The following MAPKAP1 variants were observed in gnomAD, a reference collection of about 807,000 sequenced individuals.
MAPKAP1 encodes the protein MAPK associated protein 1, also known as target of rapamycin complex 2 subunit MAPKAP1.
A neutral mutation model predicts 65.7 loss-of-function variants in MAPKAP1; 20 were observed. The observed-to-expected ratio is 0.30, with a 90% CI of 0.21 to 0.44. The LOEUF (loss-of-function observed/expected upper bound fraction) is 0.44, where lower values mean the gene tolerates loss of function less well. Ranked by LOEUF, MAPKAP1 falls within the 20% of genes least tolerant of loss-of-function variation. The pLI is 1.00. For missense variants in MAPKAP1, 423 were observed against 648.0 expected, an observed-to-expected ratio of 0.65 and a Z score of 3.77; for synonymous variants, 222 against 244.3, an observed-to-expected ratio of 0.91 and a Z score of 0.85.
At chr9:125,612,023 G>C (rs1399529623) in intron 4 of MAPKAP1, among the ~76,000 whole-genome samples, 1 of 152,152 alleles carries the variant, frequency 6.6e-6, no homozygotes, top group Non-Finnish European at 1.5e-5. Context: ...CTTATTGGTT[G>C]AGTAACCCTA....
At chr9:125,687,072 C>G (rs1835004191) in intron 1 of MAPKAP1, among the ~76,000 whole-genome samples, 1 of 151,772 alleles carries the variant, frequency 6.6e-6, no homozygotes, top group Admixed American at 6.6e-5. Context: ...GTGATCTGCC[C>G]GCCTCGGCCT....
chr9:125,489,092 A>G (rs1161487042), intron 8 of MAPKAP1, among the ~76,000 whole-genome samples: 1 of 152,204 alleles, frequency 6.6e-6, no homozygotes, highest in East Asian at 1.9e-4. Flanking sequence ...TTCACATTAA[A>G]AAGTCCACTT....
intron 4 of MAPKAP1, among the ~76,000 whole-genome samples, chr9:125,587,061 A>G (rs1467724919): frequency 6.6e-6 from 1 of 152,236 alleles, no homozygotes; most frequent in Non-Finnish European, 1.5e-5. Context: ...GCCACATGCA[A>G]AAGAATGAAT....
At chr9:125,623,252 C>T (rs1464469441) in intron 4 of MAPKAP1, among the ~76,000 whole-genome samples, 4 of 118,630 alleles carry the variant, frequency 3.4e-5, no homozygotes, top group African/African-American at 6.2e-5. Context: ...TCTGCCTGGC[C>T]GCCCATCGTC....
At chr9:125,612,365 A>C (rs1832625597) in intron 4 of MAPKAP1, among the ~76,000 whole-genome samples, 1 of 152,208 alleles carries the variant, frequency 6.6e-6, no homozygotes, top group Admixed American at 6.5e-5. Context: ...ACGAATTTCA[A>C]ATAACTGGTA....
intron 7 of MAPKAP1, among the ~76,000 whole-genome samples, chr9:125,530,861 A>C (rs1384562437): frequency 1.3e-5 from 2 of 152,272 alleles, no homozygotes; most frequent in Non-Finnish European, 2.9e-5. Context: ...GCCAGGTTTT[A>C]TGGCGTGCCT....
chr9:125,672,102 T>G (rs1469115213), intron 2 of MAPKAP1, among the ~76,000 whole-genome samples: 2 of 152,176 alleles, frequency 1.3e-5, no homozygotes, highest in Non-Finnish European at 2.9e-5. Context: ...ACTATCCCCC[T>G]TCTGTCTACT....
At chr9:125,462,123 C>G (rs972647205) in intron 10 of MAPKAP1, among the ~76,000 whole-genome samples, 1 of 152,222 alleles carries the variant, frequency 6.6e-6, no homozygotes, top group Non-Finnish European at 1.5e-5. Context: ...CAAGCAAGAG[C>G]GCACATGCGT....
chr9:125,463,124 C>T (rs1391355228), intron 10 of MAPKAP1, among the ~76,000 whole-genome samples: 19 of 152,180 alleles, frequency 1.2e-4, no homozygotes, highest in Admixed American at 2.6e-4. Context: ...CATGCAGAAC[C>T]GCTCGATAGC....
intron 9 of MAPKAP1, among the ~76,000 whole-genome samples, chr9:125,479,597 G>A (rs572031629): frequency 6.7e-6 from 1 of 148,504 alleles, no homozygotes; most frequent in African/African-American, 2.5e-5. Flanking sequence ...AAAAAAAAAA[G>A]TCTGGTGGAA....
At chr9:125,657,618 T>G (rs1204233737) in intron 4 of MAPKAP1, 33 bp downstream of exon 4, 10 of 1,565,606 alleles carry the variant, frequency 6.4e-6, no homozygotes, top group Admixed American at 1.9e-5. Context: ...ATTACAGTTT[T>G]ACTTAAAGGG....
chr9:125,667,964 C>T (rs559683553), intron 3 of MAPKAP1, among the ~76,000 whole-genome samples: 9 of 152,208 alleles, frequency 5.9e-5, no homozygotes, highest in South Asian at 2.1e-4. Flanking sequence ...GGGCTAGCCT[C>T]GTGAGATTTT....
At chr9:125,551,575 A>G (rs1830585405) in intron 6 of MAPKAP1, among the ~76,000 whole-genome samples, 1 of 151,562 alleles carries the variant, frequency 6.6e-6, no homozygotes, top group Non-Finnish European at 1.5e-5. Flanking sequence ...AGGAAAATAC[A>G]TATATATATA....
At chr9:125,642,253 C>G (rs1284681038) in intron 4 of MAPKAP1, among the ~76,000 whole-genome samples, 2 of 151,722 alleles carry the variant, frequency 1.3e-5, no homozygotes, top group Non-Finnish European at 2.9e-5. Context: ...AATTAAATTG[C>G]TAACTAAAGT....
chr9:125,647,906 A>C (rs909625259), intron 4 of MAPKAP1, among the ~76,000 whole-genome samples: 10 of 151,574 alleles, frequency 6.6e-5, no homozygotes, highest in South Asian at 6.3e-4. Flanking sequence ...CTACGTGTGA[A>C]AGCATTCCCC....
intron 1 of MAPKAP1, among the ~76,000 whole-genome samples, chr9:125,691,725 T>C (rs1835176802): frequency 6.6e-6 from 1 of 152,214 alleles, no homozygotes; most frequent in Non-Finnish European, 1.5e-5. Context: ...TGAAGTTAGC[T>C]ATCCATGCTG....
At chr9:125,555,904 A>G (rs1216232238) in intron 6 of MAPKAP1, among the ~76,000 whole-genome samples, 2 of 152,220 alleles carry the variant, frequency 1.3e-5, no homozygotes, top group Non-Finnish European at 2.9e-5. Context: ...CTCCTCTGCT[A>G]TAAAACAAAG....
At chr9:125,498,119 C>T (rs543743023) in intron 8 of MAPKAP1, among the ~76,000 whole-genome samples, 7 of 152,286 alleles carry the variant, frequency 4.6e-5, no homozygotes, top group Admixed American at 2.6e-4. Flanking sequence ...GTAGATTATC[C>T]GACAAGAATC....
rs566333753 is a variant in MAPKAP1, at chr9:125,438,587, G to A, written c.*300C>T. ...TGTGGGCACGGCTCTGTACATCCTC[G>A]GGCAGGGTGGCAGGCATTGAAGGTG... On this transcript the variant is annotated 3_prime_UTR_variant, in exon 12 of 12. Transcript: ENST00000265960. 3.7e-5 allele frequency: 17 copies of A among 456,052 alleles called. No individual in the cohort carries two copies. The Admixed American group carries it at 6.3e-4, about 17-fold the overall frequency. The allele number at this position is 456,052 out of a possible 1,614,324, so 28.3% of individuals were successfully genotyped here.
Sources: gnomAD v4.1 joint callset for allele counts (sites outside exome capture counted in the v4.1 genomes callset) on GRCh38, gnomAD v4.1.1 for gene constraint, MANE v1.5 for transcripts, NCBI Gene and HGNC (gene_info 2026-07-23, HGNC 2026-07-21) for gene names.